The following RUBCN variants were observed in gnomAD, a reference collection of about 807,000 sequenced individuals.
RUBCN encodes rubicon autophagy regulator.
Under a neutral mutation model 113.2 loss-of-function variants are expected in RUBCN, and 74 were observed. That is an observed-to-expected ratio of 0.65 (90% CI 0.54 to 0.79). RUBCN has a LOEUF of 0.79. Ranked by LOEUF, RUBCN falls within the 30% of genes least tolerant of loss-of-function variation. The pLI, the probability that RUBCN is intolerant of heterozygous loss-of-function variation, is 0.00. For synonymous variants in RUBCN, 480 were observed against 490.0 expected, an observed-to-expected ratio of 0.98 and a Z score of 0.27; for missense variants, 1,109 against 1,251.7, an observed-to-expected ratio of 0.89 and a Z score of 1.72.
At chr3:197,739,490 G>A (rs556601503), upstream of RUBCN, among the ~76,000 whole-genome samples, 164 of 150,806 alleles carry the variant, frequency 1.1e-3, no homozygotes, top group East Asian at 1.8e-3. Flanking sequence ...TCAGGAGATG[G>A]AGACTATCCT....
intron 1 of RUBCN, among the ~76,000 whole-genome samples, chr3:197,742,534 T>C (rs573685908): frequency 1.3e-5 from 2 of 152,228 alleles, no homozygotes; most frequent in South Asian, 2.1e-4. Context: ...ATCCTTAACA[T>C]AGTTGACGAA....
intron 2 of RUBCN, among the ~76,000 whole-genome samples, chr3:197,709,790 CAAATA>C (rs1369903186): frequency 3.3e-5 from 5 of 152,070 alleles, no homozygotes; most frequent in African/African-American, 1.2e-4. Context: ...AAATACATTC[CAAATA>C]AATTACAGAT....
rs533679140 is a variant in RUBCN at position 197,713,688 on chromosome 3, T to C, written c.219+4289A>G. 7.2e-4 allele frequency among the ~76,000 whole-genome samples: 109 copies of C among 151,840 alleles called. No homozygotes were observed. In the Middle Eastern group the frequency reaches 0.024, roughly 33 times the overall value. On this transcript the variant is annotated intron_variant, in intron 2 of 19. Transcript: ENST00000296343. Reference sequence around the variant, plus strand: ...TGAACCCTGAGGTGGGGGTCATCAATGGGTGAGTGATCGTGCAATGTGAGC... The same window carrying C: ...TGAACCCTGAGGTGGGGGTCATCAACGGGTGAGTGATCGTGCAATGTGAGC...
chr3:197,685,405 C>T (rs1721728736), intron 11 of RUBCN, among the ~76,000 whole-genome samples: 1 of 152,154 alleles, frequency 6.6e-6, no homozygotes, highest in Non-Finnish European at 1.5e-5. Context: ...CATCTCTGTG[C>T]ACTGGGCTGT....
chr3:197,674,880 T>TAAAAA lies in RUBCN; in HGVS notation c.*133_*137dup. ...TGCACACAGACGTCAGACAAGTCAG[T>TAAAAA]AAAAAAAAAAAAAAAGATGATGATA... On this transcript the variant is annotated 3_prime_UTR_variant, in exon 20 of 20. Coordinates refer to ENST00000296343, the MANE Select transcript of RUBCN (RefSeq NM_014687.4). The TAAAAA allele has an allele frequency of 2.2e-6, 1 of 461,916 alleles. No homozygotes were observed. The highest frequency in any genetic ancestry group is 3.3e-6 in the Non-Finnish European group (1 of 304,100). The allele number at this position is 461,916 out of a possible 1,614,324, so 28.6% of individuals were successfully genotyped here.
At chr3:197,719,801 C>A (rs1001081746) in intron 1 of RUBCN, among the ~76,000 whole-genome samples, 1 of 152,110 alleles carries the variant, frequency 6.6e-6, no homozygotes, top group East Asian at 1.9e-4. Flanking sequence ...TTTAGTGTCA[C>A]CTTTTTAAAA....
chr3:197,706,726 C>G (rs1724340425), intron 2 of RUBCN, among the ~76,000 whole-genome samples: 1 of 151,994 alleles, frequency 6.6e-6, no homozygotes, highest in South Asian at 2.1e-4. Flanking sequence ...ATCAATGGTA[C>G]AAAATAAATA....
upstream of RUBCN, among the ~76,000 whole-genome samples, chr3:197,738,094 T>C (rs1315125509): frequency 6.6e-6 from 1 of 152,254 alleles, no homozygotes; most frequent in Non-Finnish European, 1.5e-5. Flanking sequence ...GATCTGCATT[T>C]TTAAGCACTA....
chr3:197,742,177 T>C (rs1450238649), intron 1 of RUBCN, among the ~76,000 whole-genome samples: 1 of 152,134 alleles, frequency 6.6e-6, no homozygotes, highest in African/African-American at 2.4e-5. Context: ...CAATTTTTAA[T>C]GTTAAAATGA....
chr3:197,677,425 G>A, intron 17 of RUBCN, 55 bp downstream of exon 17: 1 of 1,441,276 alleles, frequency 6.9e-7, no homozygotes, highest in Non-Finnish European at 9.8e-7. Context: ...GCGGGGATGT[G>A]TCCCTTTCGG....
At chr3:197,744,353 C>A (rs1022794084) in intron 1 of RUBCN, among the ~76,000 whole-genome samples, 1 of 152,120 alleles carries the variant, frequency 6.6e-6, no homozygotes, top group Non-Finnish European at 1.5e-5. Context: ...ACAAAATCAA[C>A]ATTCAAAATT....
intron 7 of RUBCN, chr3:197,699,271 G>C (rs1230466596): frequency 7.1e-7 from 1 of 1,404,800 alleles, no homozygotes; most frequent in East Asian, 2.5e-5. Context: ...AGTCCAGATA[G>C]AGCAATGAGA....
At chr3:197,745,341 T>C (rs1455819716) in intron 1 of RUBCN, among the ~76,000 whole-genome samples, 1 of 144,704 alleles carries the variant, frequency 6.9e-6, no homozygotes, top group South Asian at 2.2e-4. Context: ...TCAAGCCAGG[T>C]GCAGTGGCTC....
In RUBCN at chr3:197,693,740, A is replaced by C. The variant is rs746186123; in HGVS notation, c.1761T>G (p.Asp587Glu). The C allele has an allele frequency of 1.2e-6, 2 of 1,613,342 alleles. No individual in the cohort carries two copies. Among genetic ancestry groups the C allele is most frequent in the Non-Finnish European group, 8.5e-7 (1 of 1,179,308 alleles). Residue 587 changes from aspartate (D) to glutamate (E), a missense_variant, in exon 11 of 20, where the codon GAT (aspartate) becomes GAG (glutamate). This residue lies in a region of RUBCN where 736 missense variants were observed against 779.6 expected (regional missense o/e 0.94). Coordinates refer to ENST00000296343, the MANE Select transcript of RUBCN (RefSeq NM_014687.4). ...CTTGGATTTCAAATTCATCAACCTC[A>C]TCAGCAGAGCCAGAGTCAGAGAGCT... The part of the protein sequence containing the change: ...SAQLSDSGSA[D>E]EVDEFEIQDA...
At position 197,699,048 on chromosome 3, in the gene RUBCN, C is replaced by T. The variant is rs1723337211; in HGVS notation, c.1261+1565G>A. ...AACACATCATATGAAATACTGGTAT[C>T]ATTTTATAGACAGTTCCAAGCATCA... On this transcript the variant is annotated intron_variant, in intron 7 of 19. Coordinates refer to ENST00000296343, the MANE Select transcript of RUBCN (RefSeq NM_014687.4). 3 of 700,668 alleles carry T rather than the reference C, an allele frequency of 4.3e-6. No homozygotes were observed. The East Asian group carries it at 8.2e-5, about 19-fold the overall frequency. 43.4% of individuals were successfully genotyped at this position (700,668 alleles called of 1,614,324 possible).
chr3:197,681,454 A>G lies in RUBCN; in HGVS notation c.2192-87T>C. 9.9e-7 allele frequency: 1 copy of G among 1,009,436 alleles called. No individual in the cohort carries two copies. Among genetic ancestry groups the G allele is most frequent in the African/African-American group, 1.6e-5 (1 of 63,318 alleles). The allele number at this position is 1,009,436 out of a possible 1,614,324, so 62.5% of individuals were successfully genotyped here. On this transcript the variant is annotated intron_variant, in intron 15 of 19. Coordinates refer to ENST00000296343, the MANE Select transcript of RUBCN (RefSeq NM_014687.4). The surrounding 1 kb of genome is among the most constrained non-coding windows in gnomAD (Gnocchi z 5.5). The stretch of plus-strand genomic sequence containing the variant: ...AGCTCTGCTTTTCCCTTGAAAGGGC[A>G]GAGAGGGACAGCCAATGGCCTCCAG...
intron 1 of RUBCN, among the ~76,000 whole-genome samples, chr3:197,742,508 T>C (rs1014986082): frequency 6.6e-6 from 1 of 152,104 alleles, no homozygotes; most frequent in South Asian, 2.1e-4. Context: ...AAAAATCTTA[T>C]TTCTAGACTG....
rs1723578585 is a variant in RUBCN at position 197,700,905 on chromosome 3, C to T, written c.969G>A (p.Glu323=). 6.2e-7 allele frequency: 1 copy of T among 1,614,084 alleles called. No individual in the cohort carries two copies. Among genetic ancestry groups the T allele is most frequent in the Non-Finnish European group, 8.5e-7 (1 of 1,180,046 alleles). The change falls in exon 7 of 20, where the codon GAG becomes GAA. Residue 323 remains glutamate, a synonymous_variant. Coordinates refer to ENST00000296343, the MANE Select transcript of RUBCN (RefSeq NM_014687.4). Reference sequence around the variant, plus strand: ...GGTCCAAGTTGCCAATGGCCAGGTACTCAGGCCCCTCACTGGCATCACCTG... The same window carrying T: ...GGTCCAAGTTGCCAATGGCCAGGTATTCAGGCCCCTCACTGGCATCACCTG... ...DSPGDASEGP[E]YLAIGNLDPR...
At chr3:197,738,594 T>C (rs1302473190), upstream of RUBCN, among the ~76,000 whole-genome samples, 1 of 152,218 alleles carries the variant, frequency 6.6e-6, no homozygotes, top group Non-Finnish European at 1.5e-5. Context: ...TGTGACTTTC[T>C]TCTCTTTTGG....
Sources: allele counts gnomAD v4.1 joint callset (sites outside exome capture counted in the v4.1 genomes callset), GRCh38; gene constraint gnomAD v4.1.1; regional missense constraint gnomAD v4.1.1; non-coding constraint Gnocchi (gnomAD v3.1); transcripts MANE v1.5; gene names NCBI Gene and HGNC (gene_info 2026-07-23, HGNC 2026-07-21).